Variants in HSD17B11 observed in about 807,000 individuals in gnomAD.
HSD17B11 encodes the protein hydroxysteroid 17-beta dehydrogenase 11, also known as estradiol 17-beta-dehydrogenase 11.
A neutral mutation model predicts 27.8 loss-of-function variants in HSD17B11; 22 were observed. That is an observed-to-expected ratio of 0.79 (90% confidence interval 0.56 to 1.13). The LOEUF is 1.13. HSD17B11 is among the 50% of genes most tolerant of loss of function. HSD17B11 has a pLI of 0.00. For synonymous variants in HSD17B11, 117 were observed against 132.8 expected, an observed-to-expected ratio of 0.88 and a Z score of 0.82; for missense variants, 314 against 351.1, an observed-to-expected ratio of 0.89 and a Z score of 0.84.
At chr4:87,376,565 G>A (rs1288453021) in intron 2 of HSD17B11, among the ~76,000 whole-genome samples, 3 of 118,354 alleles carry the variant, frequency 2.5e-5, no homozygotes, top group Non-Finnish European at 5.4e-5. Context: ...AGAAATATGA[G>A]GTAAATAATA....
intron 4 of HSD17B11, among the ~76,000 whole-genome samples, chr4:87,371,061 T>G (rs938916900): frequency 6.6e-6 from 1 of 151,210 alleles, no homozygotes; most frequent in Non-Finnish European, 1.5e-5. Context: ...CTATTATTAT[T>G]AACCTATTTT....
rs186922114 is a variant in HSD17B11 at position 87,359,019 on chromosome 4, G to T, written c.558-1603C>A. Among the ~76,000 whole-genome samples, 420 of 152,156 alleles carry T rather than the reference G, an allele frequency of 2.8e-3. 1 individual carries two copies. Among genetic ancestry groups the T allele is most frequent in the Admixed American group, 7.6e-3 (116 of 15,270 alleles). On this transcript the variant is annotated intron_variant, in intron 4 of 6. Coordinates refer to ENST00000358290, the MANE Select transcript of HSD17B11 (RefSeq NM_016245.5). ...TCTCACAAGATCTGATGGTTTTTTA[G>T]GTGTTTGGCAGTTCGTCTCTTGCTC...
At chr4:87,376,337 T>C (rs781362705) in intron 2 of HSD17B11, among the ~76,000 whole-genome samples, 56 of 151,862 alleles carry the variant, frequency 3.7e-4, no homozygotes, top group Non-Finnish European at 1.3e-4. Flanking sequence ...AAACCCCATC[T>C]CTACTAAAAA....
At chr4:87,378,929 A>AAT (rs1181289968) in intron 2 of HSD17B11, among the ~76,000 whole-genome samples, 853 of 7,244 alleles carry the variant, frequency 0.12, 190 homozygotes, top group South Asian at 0.18. Flanking sequence ...AATATATATA[A>AAT]ATATATATAT....
intron 6 of HSD17B11, among the ~76,000 whole-genome samples, chr4:87,340,079 A>G (rs887182447): frequency 1.3e-5 from 2 of 152,250 alleles, no homozygotes; most frequent in South Asian, 4.1e-4. Context: ...AGCAATTCAT[A>G]TACTTCAGTA....
At chr4:87,340,328 G>T in intron 6 of HSD17B11, 162 bp downstream of exon 6, 1 of 439,394 alleles carries the variant, frequency 2.3e-6, no homozygotes, top group Non-Finnish European at 4.1e-6. Flanking sequence ...TTACCCAAGA[G>T]CTGTATCAAT....
intron 1 of HSD17B11, among the ~76,000 whole-genome samples, chr4:87,383,354 G>A (rs1011026078): frequency 6.6e-6 from 1 of 152,106 alleles, no homozygotes; most frequent in Non-Finnish European, 1.5e-5. Context: ...TGGATTTTAG[G>A]GGTCAACACT....
chr4:87,366,841 G>A (rs11732896), intron 4 of HSD17B11, among the ~76,000 whole-genome samples: 53,647 of 151,954 alleles, frequency 0.35, 10,419 homozygotes, highest in African/African-American at 0.53. Context: ...AACAACTTTC[G>A]AAACTCTCAT....
chr4:87,360,874 T>C (rs935419696), intron 4 of HSD17B11, among the ~76,000 whole-genome samples: 7 of 152,168 alleles, frequency 4.6e-5, no homozygotes, highest in Non-Finnish European at 8.8e-5. Context: ...CACGCAGAAA[T>C]AGAAAACGAT....
chr4:87,375,606 T>C (rs911940114), intron 2 of HSD17B11, among the ~76,000 whole-genome samples: 6 of 152,174 alleles, frequency 3.9e-5, no homozygotes, highest in Non-Finnish European at 7.3e-5. Flanking sequence ...CTGTACATGG[T>C]GGCGGGCGCC....
At position 87,337,585 on chromosome 4, in the gene HSD17B11, C is replaced by A. The variant is rs148319480; in HGVS notation, c.813-219G>T. ...CTTAGCCTTCTTTACAGTAGAATAA[C>A]CTGAAGTAGTCAGTTTTTGAAACAA... On this transcript the variant is annotated intron_variant, in intron 6 of 6. Coordinates refer to ENST00000358290, the MANE Select transcript of HSD17B11 (RefSeq NM_016245.5). Among the ~76,000 whole-genome samples, 333 of 152,042 alleles carry A rather than the reference C, an allele frequency of 2.2e-3. 3 individuals carry two copies. The highest frequency in any genetic ancestry group is 7.5e-3 in the African/African-American group (312 of 41,476).
Position 87,357,299 on chromosome 4 carries a change from G to T in HSD17B11, c.675C>A (p.Phe225Leu). ...CTTACCTTGTACTTGGATTTTTGAT[G>T]AAGCCAGTGTTTACGAAATTAGGAC... ...CLCPNFVNTG[F>L]IKNPSTSLGP... The change falls in exon 5 of 7, where the codon TTC (phenylalanine) becomes TTA (leucine). Residue 225 changes from phenylalanine to leucine, a missense_variant. Coordinates refer to ENST00000358290, the MANE Select transcript of HSD17B11 (RefSeq NM_016245.5). 6.2e-7 allele frequency: 1 copy of T among 1,611,258 alleles called. No homozygotes were observed. The highest frequency in any genetic ancestry group is 1.1e-5 in the South Asian group (1 of 90,212).
chr4:87,376,186 G>A (rs1280162563), intron 2 of HSD17B11, among the ~76,000 whole-genome samples: 2 of 152,074 alleles, frequency 1.3e-5, no homozygotes, highest in Non-Finnish European at 2.9e-5. Flanking sequence ...TTCTTGACCT[G>A]CTCAGGTGTC....
chr4:87,365,122 T>C (rs1286711097), intron 4 of HSD17B11, among the ~76,000 whole-genome samples: 1 of 152,124 alleles, frequency 6.6e-6, no homozygotes, highest in Admixed American at 6.5e-5. Context: ...TGAGCCAAGA[T>C]CATGCCACTG....
chr4:87,383,876 GACAAAAACTGCAATTACTTTT>G (rs1385631632), intron 1 of HSD17B11, among the ~76,000 whole-genome samples: 1 of 151,612 alleles, frequency 6.6e-6, no homozygotes, highest in African/African-American at 2.4e-5. Flanking sequence ...TTAGTTTAAT[GACAAAAACTGCAATTACTTTT>G]GCATCAACCT....
intron 4 of HSD17B11, among the ~76,000 whole-genome samples, chr4:87,361,409 C>A (rs964180768): frequency 1.3e-5 from 2 of 152,214 alleles, no homozygotes; most frequent in Non-Finnish European, 2.9e-5. Flanking sequence ...AAATGGGCAA[C>A]CAGCACCCCT....
At chr4:87,359,048 C>T (rs927950572) in intron 4 of HSD17B11, among the ~76,000 whole-genome samples, 24 of 152,242 alleles carry the variant, frequency 1.6e-4, no homozygotes, top group Non-Finnish European at 2.8e-4. Flanking sequence ...CTTGCTCTTA[C>T]TCTCTCTCGC....
At chr4:87,337,953 C>T (rs548113185) in intron 6 of HSD17B11, among the ~76,000 whole-genome samples, 3 of 152,204 alleles carry the variant, frequency 2.0e-5, no homozygotes, top group Non-Finnish European at 2.9e-5. Flanking sequence ...CGTGGTGGCT[C>T]ACGCCTGTAA....
At chr4:87,385,175 T>C (rs1485633455) in intron 1 of HSD17B11, among the ~76,000 whole-genome samples, 1 of 152,212 alleles carries the variant, frequency 6.6e-6, no homozygotes, top group Non-Finnish European at 1.5e-5. Flanking sequence ...TCTCCTATAC[T>C]TAACCAGCAG....
Sources: gnomAD v4.1 joint callset for allele counts (sites outside exome capture counted in the v4.1 genomes callset) on GRCh38, gnomAD v4.1.1 for gene constraint, MANE v1.5 for transcripts, NCBI Gene and HGNC (gene_info 2026-07-23, HGNC 2026-07-21) for gene names.